KCNH7: variants seen among roughly 807,000 people sequenced by gnomAD.
KCNH7 encodes the protein voltage-gated inwardly rectifying potassium channel KCNH7.
In KCNH7, 49 loss-of-function variants were observed where a neutral mutation model predicts 120.8. That is an observed-to-expected ratio of 0.41 (90% CI 0.32 to 0.51). The LOEUF is 0.51. Among genes scored for constraint, KCNH7 ranks in the 20% least tolerant of loss-of-function variants. The pLI is 0.38. For synonymous variants in KCNH7, 547 were observed against 516.1 expected, an observed-to-expected ratio of 1.06 and a Z score of -0.81; for missense variants, 1,097 against 1,446.6, an observed-to-expected ratio of 0.76 and a Z score of 3.92.
At chr2:162,485,928 A>G (rs1213028084) in intron 6 of KCNH7, among the ~76,000 whole-genome samples, 1 of 152,110 alleles carries the variant, frequency 6.6e-6, no homozygotes, top group African/African-American at 2.4e-5. Context: ...AACTCACTCA[A>G]TCTCACTGAA....
At chr2:162,541,860 GA>G (rs1209965658) in intron 2 of KCNH7, among the ~76,000 whole-genome samples, 1 of 151,870 alleles carries the variant, frequency 6.6e-6, no homozygotes, top group African/African-American at 2.4e-5. Flanking sequence ...AAAAATTGAA[GA>G]AAAAAAGGCT....
intron 2 of KCNH7, among the ~76,000 whole-genome samples, chr2:162,776,080 G>A (rs1211671735): frequency 6.6e-6 from 1 of 152,192 alleles, no homozygotes; most frequent in Non-Finnish European, 1.5e-5. Flanking sequence ...AGTAAAGTAT[G>A]AAAAGAGTAC....
chr2:162,652,781 T>C (rs1684612589), intron 2 of KCNH7, among the ~76,000 whole-genome samples: 1 of 152,204 alleles, frequency 6.6e-6, no homozygotes, highest in African/African-American at 2.4e-5. Context: ...TAAACACAAG[T>C]TCCAATTTTG....
intron 2 of KCNH7, among the ~76,000 whole-genome samples, chr2:162,581,981 A>T (rs1174396799): frequency 6.6e-6 from 1 of 152,104 alleles, no homozygotes; most frequent in Admixed American, 6.6e-5. Flanking sequence ...TGATAAGCTC[A>T]GTGTCTGCAG....
rs60201823 is a variant in KCNH7 at position 162,601,399 on chromosome 2, C to CTTTTTTTTTTTTTTTTTTTTTTTTTT, written c.308-64345_308-64320dup. Among the ~76,000 whole-genome samples the CTTTTTTTTTTTTTTTTTTTTTTTTTT allele has an allele frequency of 1.6e-3, 15 of 9,602 alleles. 5 individuals carry two copies. The highest frequency in any genetic ancestry group is 0.017 in the South Asian group (2 of 120). 6.3% of individuals were successfully genotyped at this position (9,602 alleles called of 152,430 possible). A position where few individuals can be genotyped will look rare whatever the true frequency, so the allele number is the denominator to read the frequency against. On this transcript the variant is annotated intron_variant, in intron 2 of 15. Transcript: ENST00000332142. Reference sequence around the variant, plus strand: ...AAATTTTAAAAAAGTACTTCTTGTGCTTTTTTTTTTTTTTTTTTTTTTTTT... The same window carrying CTTTTTTTTTTTTTTTTTTTTTTTTTT: ...AAATTTTAAAAAAGTACTTCTTGTGCTTTTTTTTTTTTTTTTTTTTTTTTTTTTTTTTTTTTTTTTTTTTTTTTTTT...
chr2:162,654,298 A>G (rs1684668323), intron 2 of KCNH7, among the ~76,000 whole-genome samples: 1 of 152,048 alleles, frequency 6.6e-6, no homozygotes, highest in South Asian at 2.1e-4. Context: ...ACTCAATAGC[A>G]AGTAAATAAA....
chr2:162,615,628 C>CT (rs1477834365), intron 2 of KCNH7, among the ~76,000 whole-genome samples: 1 of 152,086 alleles, frequency 6.6e-6, no homozygotes, highest in African/African-American at 2.4e-5. Context: ...TCTATTGTTA[C>CT]TTTTAATTAT....
chr2:162,513,467 C>CCTTCCTTCCTTCCTTCCT (rs1691180052), intron 4 of KCNH7, among the ~76,000 whole-genome samples: 1 of 104,642 alleles, frequency 9.6e-6, no homozygotes, highest in African/African-American at 3.9e-5. Context: ...CCTTCCCTCC[C>CCTTCCTTCCTTCCTTCCT]TCCTTCCTTC....
chr2:162,617,597 G>GTT (rs1361181333), intron 2 of KCNH7, among the ~76,000 whole-genome samples: 1 of 152,150 alleles, frequency 6.6e-6, no homozygotes, highest in Non-Finnish European at 1.5e-5. Context: ...CACAAAAACA[G>GTT]TTATATATAT....
At chr2:162,698,358 G>C (rs964079093) in intron 2 of KCNH7, among the ~76,000 whole-genome samples, 1 of 150,942 alleles carries the variant, frequency 6.6e-6, no homozygotes, top group Non-Finnish European at 1.5e-5. Context: ...TCATTCCTCT[G>C]CCTGTGACTC....
At chr2:162,737,416 G>A (rs1299491453) in intron 2 of KCNH7, among the ~76,000 whole-genome samples, 8 of 152,120 alleles carry the variant, frequency 5.3e-5, no homozygotes, top group African/African-American at 1.9e-4. Flanking sequence ...CAGAGTGACA[G>A]TGAGAGTATT....
chr2:162,594,414 C>T (rs1694308523), intron 2 of KCNH7, among the ~76,000 whole-genome samples: 1 of 151,940 alleles, frequency 6.6e-6, no homozygotes, highest in Non-Finnish European at 1.5e-5. Context: ...CCTAAATTTA[C>T]ATTTAGAAAA....
At chr2:162,768,590 G>A (rs750529263) in intron 2 of KCNH7, among the ~76,000 whole-genome samples, 3 of 152,130 alleles carry the variant, frequency 2.0e-5, no homozygotes, top group Admixed American at 1.3e-4. Context: ...ACTTCATCAA[G>A]TCATGAATGA....
chr2:162,686,306 A>G (rs1427808076), intron 2 of KCNH7, among the ~76,000 whole-genome samples: 1 of 152,154 alleles, frequency 6.6e-6, no homozygotes, highest in East Asian at 1.9e-4. Context: ...CAAATCAAAT[A>G]TCCAAAGCAG....
intron 2 of KCNH7, among the ~76,000 whole-genome samples, chr2:162,683,367 T>C (rs1685779914): frequency 6.6e-6 from 1 of 151,884 alleles, no homozygotes; most frequent in Non-Finnish European, 1.5e-5. Flanking sequence ...AAATTCCTCA[T>C]TTAGAAAAAT....
At chr2:162,627,830 A>G (rs1302435891) in intron 2 of KCNH7, among the ~76,000 whole-genome samples, 1 of 152,152 alleles carries the variant, frequency 6.6e-6, no homozygotes, top group Non-Finnish European at 1.5e-5. Flanking sequence ...AGGAAACTAT[A>G]TCTTTATTTT....
chr2:162,424,295 G>A (rs370524366), intron 8 of KCNH7, among the ~76,000 whole-genome samples: 76 of 152,098 alleles, frequency 5.0e-4, no homozygotes, highest in African/African-American at 1.5e-3. Flanking sequence ...CAGCATTTAG[G>A]TAGAATATCT....
intron 2 of KCNH7, among the ~76,000 whole-genome samples, chr2:162,782,986 T>A (rs773761429): frequency 6.6e-6 from 1 of 152,190 alleles, no homozygotes; most frequent in Non-Finnish European, 1.5e-5. Context: ...GATGCTGTGA[T>A]GGACAGATGC....
chr2:162,707,959 C>T (rs1055449999), intron 2 of KCNH7, among the ~76,000 whole-genome samples: 34 of 151,840 alleles, frequency 2.2e-4, no homozygotes, highest in Non-Finnish European at 5.0e-4. Context: ...TCAGTGATTC[C>T]TCCCTCTCTG....
Sources: gnomAD v4.1 joint callset for allele counts (sites outside exome capture counted in the v4.1 genomes callset) on GRCh38, gnomAD v4.1.1 for gene constraint, MANE v1.5 for transcripts, NCBI Gene and HGNC (gene_info 2026-07-23, HGNC 2026-07-21) for gene names.